Variants in NEGR1 observed in about 807,000 individuals in gnomAD.
The protein encoded by NEGR1 is neuronal growth regulator 1.
A neutral mutation model predicts 40.9 loss-of-function variants in NEGR1; 10 were observed. The observed-to-expected ratio is 0.24, with a 90% confidence interval of 0.15 to 0.42. The LOEUF is 0.42. Among genes scored for constraint, NEGR1 ranks in the 10% least tolerant of loss-of-function variants. The pLI, the probability that NEGR1 is intolerant of heterozygous loss-of-function variation, is 1.00. For synonymous variants in NEGR1, 185 were observed against 166.8 expected (o/e 1.11, Z -0.84); for missense variants, 352 against 438.9 (o/e 0.80, Z 1.77).
At chr1:71,848,261 G>A in intron 2 of NEGR1, among the ~76,000 whole-genome samples, 1 of 152,270 alleles carries the variant, frequency 6.6e-6, no homozygotes, top group East Asian at 1.9e-4. Flanking sequence ...TTATCCACAT[G>A]AACTAAATAA....
chr1:71,976,308 G>C (rs1463113090), intron 1 of NEGR1, among the ~76,000 whole-genome samples: 1 of 152,084 alleles, frequency 6.6e-6, no homozygotes, highest in African/African-American at 2.4e-5. Context: ...GAAGCAATGC[G>C]GATCCCATCA....
At chr1:71,477,017 A>G (rs1200976716) in intron 6 of NEGR1, 2 of 152,160 alleles carry the variant, frequency 1.3e-5, no homozygotes, top group East Asian at 1.9e-4. Flanking sequence ...ATTTCTTACC[A>G]TAGCTTGTCT....
At position 71,656,409 on chromosome 1, in the gene NEGR1, T is replaced by G. The variant is rs573007950; in HGVS notation, c.667+41599A>C. Among the ~76,000 whole-genome samples the G allele has an allele frequency of 3.3e-5, 5 of 152,148 alleles. No individual in the cohort carries two copies. The South Asian group carries it at 6.2e-4, about 19-fold the overall frequency. ...TTACATTGTTTGTTTGTTTTTGTTT[T>G]TTGTTGTTGTTGTTGTTGTTTGAGA... On this transcript the variant is annotated intron_variant, in intron 4 of 6. Transcript: ENST00000357731.
intron 1 of NEGR1, among the ~76,000 whole-genome samples, chr1:72,231,397 G>T (rs888832575): frequency 3.9e-5 from 6 of 152,134 alleles, no homozygotes; most frequent in African/African-American, 1.4e-4. Context: ...CAAGAACCAT[G>T]ATCTGGGACA....
At chr1:71,593,333 G>A (rs193097348) in intron 5 of NEGR1, among the ~76,000 whole-genome samples, 3 of 152,230 alleles carry the variant, frequency 2.0e-5, no homozygotes, top group East Asian at 1.9e-4. Flanking sequence ...AAGATTCCAC[G>A]GAAAGTACAA....
chr1:71,594,359 C>T (rs1030190450), intron 5 of NEGR1, among the ~76,000 whole-genome samples: 7 of 151,888 alleles, frequency 4.6e-5, no homozygotes, highest in Non-Finnish European at 2.9e-5. Context: ...AAATGGCATC[C>T]CCTGAGAGTT....
intron 1 of NEGR1, among the ~76,000 whole-genome samples, chr1:72,051,842 G>A (rs937651772): frequency 1.7e-4 from 26 of 151,304 alleles, no homozygotes; most frequent in African/African-American, 6.1e-4. Context: ...TCAGAGCCAG[G>A]GTCTTGAATC....
intron 1 of NEGR1, among the ~76,000 whole-genome samples, chr1:72,004,724 T>A (rs1454220703): frequency 6.6e-6 from 1 of 152,160 alleles, no homozygotes; most frequent in African/African-American, 2.4e-5. Flanking sequence ...AAATAACTAT[T>A]ATCTTCGTTT....
At chr1:71,898,874 TA>T (rs1175302395) in intron 2 of NEGR1, among the ~76,000 whole-genome samples, 12 of 76,582 alleles carry the variant, frequency 1.6e-4, no homozygotes, top group African/African-American at 4.0e-4. Flanking sequence ...CAAATATATA[TA>T]TTGCAAATAT....
intron 4 of NEGR1, among the ~76,000 whole-genome samples, chr1:71,613,826 T>C (rs1650352783): frequency 6.6e-6 from 1 of 152,114 alleles, no homozygotes; most frequent in South Asian, 2.1e-4. Flanking sequence ...CAAAAACTAG[T>C]TCATTCAGAA....
intron 1 of NEGR1, among the ~76,000 whole-genome samples, chr1:72,179,386 T>C (rs912509388): frequency 1.3e-5 from 2 of 152,044 alleles, no homozygotes; most frequent in African/African-American, 4.8e-5. Context: ...TCCAATACCA[T>C]GCTGTTTTGA....
intron 1 of NEGR1, among the ~76,000 whole-genome samples, chr1:71,965,128 T>A (rs1018767591): frequency 6.6e-6 from 1 of 152,164 alleles, no homozygotes; most frequent in African/African-American, 2.4e-5. Context: ...CACAAATAGT[T>A]ACTTTGCAAT....
chr1:72,008,775 T>G (rs961421772), intron 1 of NEGR1, among the ~76,000 whole-genome samples: 2 of 151,928 alleles, frequency 1.3e-5, no homozygotes, highest in African/African-American at 2.4e-5. Context: ...AAAAGATAAG[T>G]CAAAATATAA....
intron 6 of NEGR1, among the ~76,000 whole-genome samples, chr1:71,547,219 T>C (rs1038708650): frequency 1.3e-5 from 2 of 151,900 alleles, no homozygotes; most frequent in African/African-American, 4.8e-5. Flanking sequence ...CTAAATTTCT[T>C]TCTTTGAATC....
At chr1:71,668,487 A>G (rs1652313381) in intron 4 of NEGR1, among the ~76,000 whole-genome samples, 1 of 152,178 alleles carries the variant, frequency 6.6e-6, no homozygotes, top group Non-Finnish European at 1.5e-5. Flanking sequence ...TTGGATAACT[A>G]TTCTTTTTTT....
At chr1:71,679,987 A>G (rs901027939) in intron 4 of NEGR1, among the ~76,000 whole-genome samples, 4 of 152,050 alleles carry the variant, frequency 2.6e-5, no homozygotes, top group Non-Finnish European at 5.9e-5. Flanking sequence ...TAAAATCAAC[A>G]TGATATTTTT....
chr1:72,251,866 A>G (rs1340346576), intron 1 of NEGR1, among the ~76,000 whole-genome samples: 1 of 152,110 alleles, frequency 6.6e-6, no homozygotes, highest in Admixed American at 6.5e-5. Context: ...TCTACAGGGC[A>G]CATTTTGGCC....
intron 4 of NEGR1, among the ~76,000 whole-genome samples, chr1:71,670,010 G>T (rs1208310253): frequency 2.0e-5 from 3 of 151,998 alleles, no homozygotes; most frequent in Admixed American, 6.6e-5. Flanking sequence ...GTCATTATTT[G>T]TTTATATATA....
intron 1 of NEGR1, among the ~76,000 whole-genome samples, chr1:72,155,232 T>C (rs1651315207): frequency 6.6e-6 from 1 of 151,986 alleles, no homozygotes; most frequent in African/African-American, 2.4e-5. Context: ...AGCATCTCTC[T>C]TTAGTAATAA....
Sources: allele counts gnomAD v4.1 joint callset (sites outside exome capture counted in the v4.1 genomes callset), GRCh38; gene constraint gnomAD v4.1.1; transcripts MANE v1.5; gene names NCBI Gene and HGNC (gene_info 2026-07-23, HGNC 2026-07-21).